Variants in SGCZ observed in about 807,000 individuals in gnomAD.
The protein encoded by SGCZ is zeta-sarcoglycan.
Under a neutral mutation model 41.3 loss-of-function variants are expected in SGCZ, and 40 were observed. That is an observed-to-expected ratio of 0.97 (90% CI 0.75 to 1.26). The LOEUF (loss-of-function observed/expected upper bound fraction) is 1.26. Among genes scored for constraint, SGCZ ranks in the 50% most tolerant of loss-of-function variants. The probability of loss-of-function intolerance (pLI) is 0.00; values close to 1 mark genes in which losing one functional copy is unlikely to be tolerated. For missense variants in SGCZ, 552 were observed against 369.8 expected, an observed-to-expected ratio of 1.49 and a Z score of -4.04; for synonymous variants, 206 against 137.5, an observed-to-expected ratio of 1.50 and a Z score of -3.49.
At chr8:14,475,070 G>A (rs1333563540) in intron 2 of SGCZ, among the ~76,000 whole-genome samples, 5 of 152,076 alleles carry the variant, frequency 3.3e-5, no homozygotes, top group Non-Finnish European at 7.4e-5. Context: ...TGTTTTTTAA[G>A]GAAGTGGAAT....
intron 2 of SGCZ, 80 bp from the exon 3 acceptor site, chr8:14,324,284 G>T: frequency 1.0e-6 from 1 of 957,738 alleles, no homozygotes; most frequent in South Asian, 1.3e-5. Context: ...GGCCTAAATT[G>T]AGAAAACAGT....
At chr8:15,092,772 A>C (rs1806200543) in intron 1 of SGCZ, among the ~76,000 whole-genome samples, 1 of 152,188 alleles carries the variant, frequency 6.6e-6, no homozygotes, top group Non-Finnish European at 1.5e-5. Context: ...AAACCCTGTA[A>C]AATTCATCCT....
chr8:14,204,034 C>G (rs1805539499), intron 4 of SGCZ, among the ~76,000 whole-genome samples: 1 of 152,010 alleles, frequency 6.6e-6, no homozygotes, highest in Non-Finnish European at 1.5e-5. Context: ...AGAGGGGAGA[C>G]AGCCTGGTGC....
intron 4 of SGCZ, among the ~76,000 whole-genome samples, chr8:14,176,212 T>TA (rs1198676677): frequency 2.6e-5 from 4 of 152,200 alleles, no homozygotes; most frequent in Non-Finnish European, 5.9e-5. Flanking sequence ...AGTCCAACAA[T>TA]ATGCCATAAA....
chr8:14,401,636 C>G (rs1246751196), intron 2 of SGCZ, among the ~76,000 whole-genome samples: 2 of 151,584 alleles, frequency 1.3e-5, no homozygotes, highest in Non-Finnish European at 1.5e-5. Flanking sequence ...TTTATGGCTG[C>G]ATAGTATTCC....
intron 1 of SGCZ, among the ~76,000 whole-genome samples, chr8:15,124,458 T>A (rs1048815037): frequency 3.3e-5 from 5 of 152,166 alleles, no homozygotes; most frequent in African/African-American, 1.2e-4. Context: ...GCAGTCCTAA[T>A]CAAGATAGAT....
chr8:14,670,660 A>T (rs1164278636), intron 1 of SGCZ, among the ~76,000 whole-genome samples: 1 of 152,230 alleles, frequency 6.6e-6, no homozygotes, highest in Non-Finnish European at 1.5e-5. Context: ...TAATATTAAG[A>T]ACACCAACAA....
intron 3 of SGCZ, among the ~76,000 whole-genome samples, chr8:14,272,393 T>C (rs1800094487): frequency 6.6e-6 from 1 of 152,208 alleles, no homozygotes; most frequent in African/African-American, 2.4e-5. Context: ...CACATTGCAC[T>C]ATTGTCCTGA....
At chr8:14,930,771 T>C (rs1006184787) in intron 1 of SGCZ, among the ~76,000 whole-genome samples, 2 of 151,766 alleles carry the variant, frequency 1.3e-5, no homozygotes, top group Non-Finnish European at 2.9e-5. Context: ...TCATTCATAA[T>C]TGAACAATGA....
chr8:15,228,425 G>C (rs1421923791), intron 1 of SGCZ, among the ~76,000 whole-genome samples: 1 of 152,176 alleles, frequency 6.6e-6, no homozygotes, highest in African/African-American at 2.4e-5. Flanking sequence ...TCGACTTTAA[G>C]AAACTTGATG....
At chr8:14,696,992 A>T (rs1808985726) in intron 1 of SGCZ, among the ~76,000 whole-genome samples, 1 of 152,050 alleles carries the variant, frequency 6.6e-6, no homozygotes, top group South Asian at 2.1e-4. Flanking sequence ...TAGTTAAAGT[A>T]AGCTTAGCAC....
At chr8:14,865,787 C>A (rs763628084) in intron 1 of SGCZ, among the ~76,000 whole-genome samples, 9 of 152,048 alleles carry the variant, frequency 5.9e-5, no homozygotes, top group Admixed American at 3.9e-4. Flanking sequence ...ACTTAGGGAA[C>A]TAGCTAATTA....
chr8:14,151,608 C>T (rs1454618144), intron 5 of SGCZ, among the ~76,000 whole-genome samples: 2 of 151,926 alleles, frequency 1.3e-5, no homozygotes, highest in Non-Finnish European at 2.9e-5. Context: ...AATAGAAACA[C>T]ATATTCTAAA....
chr8:14,941,957 G>C lies in SGCZ; in HGVS notation c.39+295628C>G, dbSNP rs562709416. ...AATGTAAAATGCATGAGTCTAATGT[G>C]AGAATTAAACACTGTTCCATGTATA... On this transcript the variant is annotated intron_variant, in intron 1 of 7. Transcript: ENST00000382080. Among the ~76,000 whole-genome samples, 35 of 151,958 alleles carry C rather than the reference G, an allele frequency of 2.3e-4. 1 individual carries two copies. The South Asian group carries it at 3.1e-3, about 14-fold the overall frequency.
intron 2 of SGCZ, among the ~76,000 whole-genome samples, chr8:14,503,631 G>T (rs765774986): frequency 2.2e-4 from 33 of 152,050 alleles, no homozygotes; most frequent in Non-Finnish European, 4.1e-4. Flanking sequence ...AGCTGGGCGT[G>T]GTGGCCTGTG....
chr8:14,864,525 C>A (rs1466178099), intron 1 of SGCZ, among the ~76,000 whole-genome samples: 2 of 152,110 alleles, frequency 1.3e-5, no homozygotes, highest in African/African-American at 4.8e-5. Context: ...TCCTGTCCCA[C>A]TAGAATCTTG....
At chr8:14,908,080 T>G (rs975724117) in intron 1 of SGCZ, among the ~76,000 whole-genome samples, 1 of 152,176 alleles carries the variant, frequency 6.6e-6, no homozygotes. Flanking sequence ...ATTTCTGGTT[T>G]TGTTACTTAT....
intron 1 of SGCZ, among the ~76,000 whole-genome samples, chr8:14,987,168 A>C (rs1801849894): frequency 6.6e-6 from 1 of 151,938 alleles, no homozygotes; most frequent in Non-Finnish European, 1.5e-5. Context: ...TGATTTCTGA[A>C]GTTATCTTTT....
intron 5 of SGCZ, among the ~76,000 whole-genome samples, chr8:14,123,820 T>C (rs540130274): frequency 3.9e-5 from 6 of 152,234 alleles, no homozygotes; most frequent in Non-Finnish European, 8.8e-5. Flanking sequence ...GTAATTCAGA[T>C]GACAAATGAT....
Sources: allele counts gnomAD v4.1 joint callset (sites outside exome capture counted in the v4.1 genomes callset), GRCh38; gene constraint gnomAD v4.1.1; transcripts MANE v1.5; gene names NCBI Gene and HGNC (gene_info 2026-07-23, HGNC 2026-07-21).